Variants in PARD3 observed in about 807,000 individuals in gnomAD.
PARD3 encodes par-3 family cell polarity regulator.
A neutral mutation model predicts 155.4 loss-of-function variants in PARD3; 75 were observed. The observed-to-expected ratio is 0.48, with a 90% CI of 0.40 to 0.58. The LOEUF (loss-of-function observed/expected upper bound fraction) is 0.58. Among genes scored for constraint, PARD3 ranks in the 20% least tolerant of loss-of-function variants. The probability of loss-of-function intolerance (pLI) is 0.00; values close to 1 mark genes in which losing one functional copy is unlikely to be tolerated. For synonymous variants in PARD3, 576 were observed against 610.5 expected (o/e 0.94, Z 0.83); for missense variants, 1,642 against 1,721.7 (o/e 0.95, Z 0.82).
At chr10:34,350,927 T>C (rs190566968) in intron 14 of PARD3, among the ~76,000 whole-genome samples, 3 of 152,254 alleles carry the variant, frequency 2.0e-5, no homozygotes, top group South Asian at 4.1e-4. Flanking sequence ...GGAAATATAT[T>C]ACCACAGGGC....
chr10:34,760,964 G>T (rs934098098), intron 1 of PARD3, among the ~76,000 whole-genome samples: 5 of 151,874 alleles, frequency 3.3e-5, no homozygotes, highest in African/African-American at 1.2e-4. Flanking sequence ...GTGTTATACT[G>T]CAATAAATAA....
At chr10:34,344,279 T>A (rs1564609126) in intron 15 of PARD3, 10 of 943,934 alleles carry the variant, frequency 1.1e-5, no homozygotes, top group African/African-American at 2.0e-5. Flanking sequence ...TGTTTGTTTT[T>A]GTTTTTTTTT....
chr10:34,244,986 T>C (rs901947748), intron 22 of PARD3, among the ~76,000 whole-genome samples: 3 of 152,036 alleles, frequency 2.0e-5, no homozygotes, highest in African/African-American at 7.2e-5. Flanking sequence ...GCAGTGTGAG[T>C]CCTAAAAACA....
chr10:34,428,715 T>C (rs1401444835), intron 5 of PARD3, among the ~76,000 whole-genome samples: 2 of 152,214 alleles, frequency 1.3e-5, no homozygotes, highest in African/African-American at 2.4e-5. Flanking sequence ...ATAAAGCCAG[T>C]GGTTTTGCTA....
At chr10:34,536,634 C>G (rs2083253544) in intron 2 of PARD3, among the ~76,000 whole-genome samples, 1 of 152,180 alleles carries the variant, frequency 6.6e-6, no homozygotes, top group Non-Finnish European at 1.5e-5. Flanking sequence ...TGTAGAAGGT[C>G]CTGAAAACAT....
At chr10:34,713,090 T>G (rs575707639) in intron 1 of PARD3, among the ~76,000 whole-genome samples, 3 of 152,076 alleles carry the variant, frequency 2.0e-5, no homozygotes, top group Non-Finnish European at 4.4e-5. Flanking sequence ...CAGGCACCTG[T>G]AATCCCAACT....
chr10:34,633,168 T>C (rs1343650047), intron 2 of PARD3, among the ~76,000 whole-genome samples: 1 of 152,200 alleles, frequency 6.6e-6, no homozygotes, highest in African/African-American at 2.4e-5. Context: ...ACATTTTTTA[T>C]GATGAGAACA....
At chr10:34,538,813 G>A (rs189329208) in intron 2 of PARD3, among the ~76,000 whole-genome samples, 1 of 152,240 alleles carries the variant, frequency 6.6e-6, no homozygotes, top group South Asian at 2.1e-4. Flanking sequence ...CCAAGTAGGA[G>A]ATCATGCTGA....
intron 1 of PARD3, among the ~76,000 whole-genome samples, chr10:34,714,713 C>G (rs1041739932): frequency 6.6e-6 from 1 of 152,036 alleles, no homozygotes; most frequent in African/African-American, 2.4e-5. Context: ...TCCATAAGAT[C>G]ACAGGGTGCT....
chr10:34,606,156 ATGTGTGTGTGTG>A (rs59792013), intron 2 of PARD3, among the ~76,000 whole-genome samples: 3,296 of 126,482 alleles, frequency 0.026, 134 homozygotes, highest in African/African-American at 0.084. Context: ...ATAAAGGGAA[ATGTGTGTGTGTG>A]TGTGTGTGTG....
intron 22 of PARD3, among the ~76,000 whole-genome samples, chr10:34,170,950 A>G (rs1361956665): frequency 1.3e-5 from 2 of 152,206 alleles, no homozygotes; most frequent in African/African-American, 4.8e-5. Flanking sequence ...TCATTTACCA[A>G]TGGCTACTCA....
chr10:34,450,397 G>A lies in PARD3; in HGVS notation c.634C>T (p.Gln212Ter). Residue 212 changes from glutamine (Q) to a stop codon, truncating the protein, a stop_gained, in exon 5 of 25, where the codon CAA becomes TAA. Coordinates refer to ENST00000374788, the MANE Select transcript of PARD3 (RefSeq NM_001184785.2). LOFTEE classifies it high-confidence loss of function. ...LPRDTSNWSN[Q>*]FQRDNARSSL... ...GAGCGAGCATTGTCTCTCTGAAATT[G>A]GTTAGACCAGTTACTAGTATCCCGC... 3 of 1,613,726 alleles carry A rather than the reference G, an allele frequency of 1.9e-6. No homozygotes were observed. Among genetic ancestry groups the A allele is most frequent in the Non-Finnish European group, 2.5e-6 (3 of 1,179,780 alleles).
chr10:34,725,760 C>A (rs1433515790), intron 1 of PARD3, among the ~76,000 whole-genome samples: 3 of 152,196 alleles, frequency 2.0e-5, no homozygotes, highest in Non-Finnish European at 4.4e-5. Flanking sequence ...ACTCAGATGA[C>A]ACAATGTCCA....
At chr10:34,428,273 T>A (rs2075726149) in intron 5 of PARD3, among the ~76,000 whole-genome samples, 1 of 152,208 alleles carries the variant, frequency 6.6e-6, no homozygotes, top group African/African-American at 2.4e-5. Flanking sequence ...ATAAGCCTAG[T>A]CGTAAGAGAC....
chr10:34,225,505 C>T (rs1260421826), intron 22 of PARD3, among the ~76,000 whole-genome samples: 1 of 152,062 alleles, frequency 6.6e-6, no homozygotes, highest in African/African-American at 2.4e-5. Flanking sequence ...GCCACCACAC[C>T]CAGCTAATTT....
At chr10:34,626,063 C>CT (rs1276615538) in intron 2 of PARD3, among the ~76,000 whole-genome samples, 1 of 152,168 alleles carries the variant, frequency 6.6e-6, no homozygotes, top group African/African-American at 2.4e-5. Flanking sequence ...AAACAGATTG[C>CT]TATTGTTTTG....
intron 4 of PARD3, among the ~76,000 whole-genome samples, chr10:34,462,662 T>G: frequency 6.6e-6 from 1 of 150,882 alleles, no homozygotes; most frequent in Non-Finnish European, 1.5e-5. Flanking sequence ...CTGGGCAACA[T>G]AGTGAGACCC....
intron 22 of PARD3, among the ~76,000 whole-genome samples, chr10:34,135,315 G>T (rs568501022): frequency 2.6e-5 from 4 of 152,158 alleles, no homozygotes; most frequent in Non-Finnish European, 5.9e-5. Flanking sequence ...TTAATTTCAC[G>T]TTCTAACTAA....
intron 22 of PARD3, among the ~76,000 whole-genome samples, chr10:34,169,371 G>C (rs973353144): frequency 6.6e-6 from 1 of 152,214 alleles, no homozygotes; most frequent in African/African-American, 2.4e-5. Flanking sequence ...ACACGCAGGA[G>C]AGCAGGAGAT....
Sources: allele counts gnomAD v4.1 joint callset (sites outside exome capture counted in the v4.1 genomes callset), GRCh38; gene constraint gnomAD v4.1.1; transcripts MANE v1.5; gene names NCBI Gene and HGNC (gene_info 2026-07-23, HGNC 2026-07-21).